The following DLX2 variants were observed in gnomAD, a reference collection of about 807,000 sequenced individuals.
DLX2 encodes distal-less homeobox 2, also known as homeobox protein DLX-2.
Under a neutral mutation model 27.4 loss-of-function variants are expected in DLX2, and 8 were observed. The observed-to-expected ratio is 0.29, with a 90% CI of 0.17 to 0.53. The LOEUF (loss-of-function observed/expected upper bound fraction) is 0.53, where lower values mean the gene tolerates loss of function less well. DLX2 is among the 20% of genes least tolerant of loss of function. DLX2 has a pLI of 0.96. For synonymous variants in DLX2, 210 were observed against 200.8 expected, an observed-to-expected ratio of 1.05 and a Z score of -0.39; for missense variants, 421 against 450.9, an observed-to-expected ratio of 0.93 and a Z score of 0.60.
At position 172,102,896 on chromosome 2, in the gene DLX2, T is replaced by G; in HGVS notation, c.-358A>C. 4 of 238,882 alleles carry G rather than the reference T, an allele frequency of 1.7e-5. No homozygotes were observed. The highest frequency in any genetic ancestry group is 5.3e-5 in the Admixed American group (1 of 18,866). 14.8% of individuals were successfully genotyped at this position (238,882 alleles called of 1,614,324 possible). A position where few individuals can be genotyped will look rare whatever the true frequency, so the allele number is the denominator to read the frequency against. Reference sequence around the variant, plus strand: ...GAGCGGCCCCGAGCGGCTTTACGATTGTCTGCCAGGCGGGCTCCTGAAGTG... The same window carrying G: ...GAGCGGCCCCGAGCGGCTTTACGATGGTCTGCCAGGCGGGCTCCTGAAGTG... On this transcript the variant is annotated 5_prime_UTR_variant, in exon 1 of 3. Transcript: ENST00000234198.
rs1043036799 is a variant in DLX2, at chr2:172,100,614, G to C, written c.916C>G (p.Pro306Ala). ...TGGTGGTGGTGGTGATGCGGCTGCGGGGTCTGAGTGGGGTGCAGCAGCGGC... is the reference window on the plus strand; with the variant it reads ...TGGTGGTGGTGGTGATGCGGCTGCGCGGTCTGAGTGGGGTGCAGCAGCGGC... ...TAPLLHPTQT[P>A]QPHHHHHHHG... The change falls in exon 3 of 3, where the codon CCG becomes GCG. Residue 306 changes from proline to alanine, a missense_variant. Coordinates refer to ENST00000234198, the MANE Select transcript of DLX2 (RefSeq NM_004405.4). This position sits in a 1 kb window ranked among gnomAD's most constrained non-coding sequence, Gnocchi z 4.5. 6.4e-7 allele frequency: 1 copy of C among 1,570,338 alleles called. No individual in the cohort carries two copies. The highest frequency in any genetic ancestry group is 1.4e-5 in the African/African-American group (1 of 70,986).
Position 172,102,210 on chromosome 2 carries a change from A to G in DLX2, c.329T>C (p.Leu110Pro). The G allele has an allele frequency of 6.2e-7, 1 of 1,612,686 alleles. No homozygotes were observed. Among genetic ancestry groups the G allele is most frequent in the Non-Finnish European group, 8.5e-7 (1 of 1,179,410 alleles). ...VPYSAKSSYDLGYTAAYTSYA... is the reference protein window; with the variant it reads ...VPYSAKSSYDPGYTAAYTSYA... ...GGAGGTGTAGGCGGCGGTGTAGCCC[A>G]GGTCATAGCTGCTCTTGGCGGAGTA... The change falls in exon 1 of 3, where the codon CTG becomes CCG. Residue 110 changes from leucine to proline, a missense_variant. Transcript: ENST00000234198.
chr2:172,100,919 C>T lies in DLX2; in HGVS notation c.611G>A (p.Arg204Gln). 1.2e-6 allele frequency: 2 copies of T among 1,612,556 alleles called. No homozygotes were observed. Among genetic ancestry groups the T allele is most frequent in the Non-Finnish European group, 1.7e-6 (2 of 1,179,766 alleles). Residue 204 changes from arginine to glutamine, a missense_variant, in exon 3 of 3, where the codon CGG becomes CAG. By Grantham distance (43) the Arg-to-Gln change is conservative. Coordinates refer to ENST00000234198, the MANE Select transcript of DLX2 (RefSeq NM_004405.4). This position sits in a 1 kb window ranked among gnomAD's most constrained non-coding sequence, Gnocchi z 4.5. Reference protein sequence around the residue: ...TQVKIWFQNRRSKFKKMWKSG... With the variant: ...TQVKIWFQNRQSKFKKMWKSG... Reference sequence around the variant, plus strand: ...TTTCCACATCTTCTTGAACTTGGACCGGCGGTTCTGGAACCAGATTTTGAC... The same window carrying T: ...TTTCCACATCTTCTTGAACTTGGACTGGCGGTTCTGGAACCAGATTTTGAC...
Position 172,101,507 on chromosome 2 carries a change from C to G in DLX2, c.540G>C (p.Pro180=). The change falls in exon 2 of 3, where the codon CCG becomes CCC. Residue 180 remains proline (P), a synonymous_variant. Transcript: ENST00000234198. ...RFQKTQYLAL[P]ERAELAASLG... is the part of the protein sequence containing the mutation. ...GAGAGGCCGCCAGCTCGGCTCGCTC[C>G]GGCAAGGCCAAGTATTGAGTCTTTT... is the stretch of plus-strand genomic sequence containing the variant. 1.2e-6 allele frequency: 2 copies of G among 1,612,556 alleles called. No homozygotes were observed. Among genetic ancestry groups the G allele is most frequent in the Non-Finnish European group, 1.7e-6 (2 of 1,179,160 alleles).
At chr2:172,102,058 G>GC (rs1285336323) in intron 1 of DLX2, 81 bp downstream of exon 1, 27 of 1,532,574 alleles carry the variant, frequency 1.8e-5, no homozygotes, top group Non-Finnish European at 3.5e-6. Flanking sequence ...GCTTTCGAAG[G>GC]CCCCCCGCCC....
At position 172,100,750 on chromosome 2, in the gene DLX2, G is replaced by T; in HGVS notation, c.780C>A (p.Ser260Arg). 6.4e-7 allele frequency: 1 copy of T among 1,554,678 alleles called. No homozygotes were observed. The highest frequency in any genetic ancestry group is 8.7e-7 in the Non-Finnish European group (1 of 1,153,764). Residue 260 changes from serine to arginine, a missense_variant, in exon 3 of 3, where the codon AGC becomes AGA. Physicochemically the swap from Ser to Arg is moderately radical, Grantham distance 110 (BLOSUM62 -1). Around this residue, in one of 5 missense-constraint regions of DLX2, gnomAD observed 185 missense variants for 171.1 expected, o/e 1.08. Coordinates refer to ENST00000234198, the MANE Select transcript of DLX2 (RefSeq NM_004405.4). The surrounding 1 kb of genome is among the most constrained non-coding windows in gnomAD (Gnocchi z 4.5). ...GGCTGGAGCCCGAGCTGCCGGCGCC[G>T]CTGCCGCCACTGCCCGGACCACCGC... ...AGGGGPGSGG[S>R]GAGSSGSSPS...
In DLX2 at chr2:172,100,239, A is replaced by T; in HGVS notation, c.*304T>A. On this transcript the variant is annotated 3_prime_UTR_variant, in exon 3 of 3. Transcript: ENST00000234198. This position sits in a 1 kb window ranked among gnomAD's most constrained non-coding sequence, Gnocchi z 4.5. ...GCCCGGGGCGAGGAAGGCGCCAGAC[A>T]GGCTCACCCGGAGGGGAGGGAAGGC... The T allele has an allele frequency of 3.1e-6, 1 of 320,678 alleles. No homozygotes were observed. Among genetic ancestry groups the T allele is most frequent in the Non-Finnish European group, 5.6e-6 (1 of 177,006 alleles). 19.9% of individuals were successfully genotyped at this position (320,678 alleles called of 1,614,324 possible).
At position 172,100,624 on chromosome 2, in the gene DLX2, G is replaced by C; in HGVS notation, c.906C>G (p.Pro302=). Residue 302 remains proline (P), a synonymous_variant, in exon 3 of 3, where the codon CCC becomes CCG. Coordinates refer to ENST00000234198, the MANE Select transcript of DLX2 (RefSeq NM_004405.4). The surrounding 1 kb of genome is among the most constrained non-coding windows in gnomAD (Gnocchi z 4.5). The stretch of plus-strand genomic sequence containing the variant: ...GGTGATGCGGCTGCGGGGTCTGAGT[G>C]GGGTGCAGCAGCGGCGCCGTGGCCT... ...HLQATAPLLH[P]TQTPQPHHHH... is the part of the protein sequence containing the mutation. The C allele has an allele frequency of 6.4e-7, 1 of 1,571,042 alleles. No individual in the cohort carries two copies. Among genetic ancestry groups the C allele is most frequent in the African/African-American group, 1.4e-5 (1 of 71,300 alleles).
rs766474236 is a variant in DLX2 at position 172,102,443 on chromosome 2, G to T, written c.96C>A (p.Gly32=). Residue 32 remains glycine, a synonymous_variant, in exon 1 of 3, where the codon GGC becomes GGA. Coordinates refer to ENST00000234198, the MANE Select transcript of DLX2 (RefSeq NM_004405.4). ...TYHQHQQPPS[G]GGAGPGGNSS... ...TGTTGCCACCCGGGCCGGCGCCGCC[G>T]CCGCTCGGGGGCTGCTGGTGCTGGT... The T allele has an allele frequency of 3.9e-6, 6 of 1,549,366 alleles. No homozygotes were observed. In the Admixed American group the frequency reaches 9.9e-5, roughly 25 times the overall value.
Position 172,101,465 on chromosome 2 carries a change from A to G in DLX2, c.582T>C (p.Thr194=), listed in dbSNP as rs764038958. 34 of 1,600,032 alleles carry G rather than the reference A, an allele frequency of 2.1e-5. No individual in the cohort carries two copies. Among genetic ancestry groups the G allele is most frequent in the Non-Finnish European group, 2.6e-5 (31 of 1,173,134 alleles). Residue 194 remains threonine (T), a synonymous_variant, in exon 2 of 3, where the codon ACT becomes ACC. Coordinates refer to ENST00000234198, the MANE Select transcript of DLX2 (RefSeq NM_004405.4). ...ELAASLGLTQ[T]QVKIWFQNRR... ...CCCTGCAGGGCGCGAGCCCCACCTGAGTCTGGGTGAGGCCCAGAGAGGCCG... is the reference window on the plus strand; with the variant it reads ...CCCTGCAGGGCGCGAGCCCCACCTGGGTCTGGGTGAGGCCCAGAGAGGCCG...
At position 172,101,675 on chromosome 2, in the gene DLX2, C is replaced by T. The variant is rs779256394; in HGVS notation, c.401-29G>A. ...CAACGATAAAGAATCGTAAGAACAG[C>T]GCAACCCAGGGGTCCTGGAGTTCCC... On this transcript the variant is annotated intron_variant, in intron 1 of 2. Transcript: ENST00000234198. The T allele has an allele frequency of 2.3e-5, 37 of 1,609,234 alleles. No homozygotes were observed. The South Asian group carries it at 3.8e-4, about 16-fold the overall frequency.
chr2:172,101,475 A>T lies in DLX2; in HGVS notation c.572T>A (p.Leu191His). 1 of 1,604,088 alleles carries T rather than the reference A, an allele frequency of 6.2e-7. No individual in the cohort carries two copies. The highest frequency in any genetic ancestry group is 8.5e-7 in the Non-Finnish European group (1 of 1,175,080). The stretch of plus-strand genomic sequence containing the variant: ...CGCGAGCCCCACCTGAGTCTGGGTG[A>T]GGCCCAGAGAGGCCGCCAGCTCGGC... ...ERAELAASLGLTQTQVKIWFQ... is the reference protein window; with the variant it reads ...ERAELAASLGHTQTQVKIWFQ... The change falls in exon 2 of 3, where the codon CTC becomes CAC. Residue 191 changes from leucine to histidine, a missense_variant. Transcript: ENST00000234198.
intron 2 of DLX2, chr2:172,101,249 T>G: frequency 4.7e-6 from 3 of 636,474 alleles, no homozygotes; most frequent in Non-Finnish European, 8.0e-6. Context: ...ACGGGATTTC[T>G]GTCCACCCGG....
At position 172,102,843 on chromosome 2, in the gene DLX2, G is replaced by T; in HGVS notation, c.-305C>A. 2.9e-6 allele frequency: 1 copy of T among 350,318 alleles called. No homozygotes were observed. Among genetic ancestry groups the T allele is most frequent in the African/African-American group, 2.2e-5 (1 of 46,412 alleles). The allele number at this position is 350,318 out of a possible 1,614,324, so 21.7% of individuals were successfully genotyped here. On this transcript the variant is annotated 5_prime_UTR_variant, in exon 1 of 3. Transcript: ENST00000234198. ...GAGGGGGCAGGGGTGGCTGGGCCGG[G>T]TCGGGGCTCTGGGAGGCGGGAGCAG...
chr2:172,101,649 G>A lies in DLX2; in HGVS notation c.401-3C>T. The stretch of plus-strand genomic sequence containing the variant: ...TTCAGGCTCAAGGTCCTCCTTCTCT[G>A]CAACGATAAAGAATCGTAAGAACAG... On this transcript the variant is annotated splice_polypyrimidine_tract_variant and splice_region_variant and intron_variant, in intron 1 of 2. Transcript: ENST00000234198. 6.2e-7 allele frequency: 1 copy of A among 1,613,772 alleles called. No homozygotes were observed. The highest frequency in any genetic ancestry group is 8.5e-7 in the Non-Finnish European group (1 of 1,179,938).
At position 172,100,430 on chromosome 2, in the gene DLX2, C is replaced by T. The variant is rs1691130865; in HGVS notation, c.*113G>A. 1.6e-6 allele frequency: 2 copies of T among 1,234,598 alleles called. No homozygotes were observed. The highest frequency in any genetic ancestry group is 3.0e-5 in the Admixed American group (1 of 33,540). The allele number at this position is 1,234,598 out of a possible 1,614,324, so 76.5% of individuals were successfully genotyped here. A position where few individuals can be genotyped will look rare whatever the true frequency, so the allele number is the denominator to read the frequency against. On this transcript the variant is annotated 3_prime_UTR_variant, in exon 3 of 3. Transcript: ENST00000234198. This position sits in a 1 kb window ranked among gnomAD's most constrained non-coding sequence, Gnocchi z 4.5. ...TGAGACGGGCCACTGCAGGTCGCAGCCTGCAGGAGAGGTGGGTGGCGGCAG... is the reference window on the plus strand; with the variant it reads ...TGAGACGGGCCACTGCAGGTCGCAGTCTGCAGGAGAGGTGGGTGGCGGCAG...
chr2:172,101,798 G>T (rs2105533654), intron 1 of DLX2, 152 bp from the exon 2 acceptor site: 3 of 918,218 alleles, frequency 3.3e-6, no homozygotes, highest in Non-Finnish European at 3.2e-6. Context: ...CGCAGCGTGC[G>T]ATCGGAGCCG....
At chr2:172,101,285 C>T in intron 2 of DLX2, 177 bp downstream of exon 2, 1 of 736,102 alleles carries the variant, frequency 1.4e-6, no homozygotes, top group South Asian at 1.9e-5. Context: ...CCCACGGCGG[C>T]CCCTTGGGGG....
chr2:172,101,188 G>A, intron 2 of DLX2: 1 of 610,214 alleles, frequency 1.6e-6, no homozygotes, highest in Non-Finnish European at 2.8e-6. Context: ...GGTGACAGCG[G>A]GAGGGTGAGG....
Sources: gnomAD v4.1 joint callset for allele counts on GRCh38, gnomAD v4.1.1 for gene constraint, gnomAD v4.1.1 regional missense constraint, Gnocchi (gnomAD v3.1) non-coding constraint, MANE v1.5 for transcripts, NCBI Gene and HGNC (gene_info 2026-07-23, HGNC 2026-07-21) for gene names.